Variants in PCSK5 observed in about 807,000 individuals in gnomAD.
The protein encoded by PCSK5 is prohormone convertase 5.
Under a neutral mutation model 233.2 loss-of-function variants are expected in PCSK5, and 129 were observed. The ratio of observed to expected loss-of-function variants is 0.55; its 90% CI spans 0.48 to 0.64. The LOEUF is 0.64. Ranked by LOEUF, PCSK5 falls within the 30% of genes least tolerant of loss-of-function variation. The probability of loss-of-function intolerance (pLI) is 0.00; values close to 1 mark genes in which losing one functional copy is unlikely to be tolerated. For missense variants in PCSK5, 2,076 were observed against 2,430.1 expected, an observed-to-expected ratio of 0.85 and a Z score of 3.06; for synonymous variants, 825 against 879.2, an observed-to-expected ratio of 0.94 and a Z score of 1.09.
At chr9:76,077,744 T>C (rs1016751793) in intron 7 of PCSK5, among the ~76,000 whole-genome samples, 6 of 152,238 alleles carry the variant, frequency 3.9e-5, no homozygotes, top group African/African-American at 1.4e-4. Context: ...TTTTATTCTT[T>C]TTCATGGCTG....
At chr9:76,255,857 A>G (rs538528121) in intron 24 of PCSK5, among the ~76,000 whole-genome samples, 1 of 152,254 alleles carries the variant, frequency 6.6e-6, no homozygotes, top group Admixed American at 6.5e-5. Context: ...AAAATTCCTT[A>G]TCCTCATTTT....
At chr9:75,917,516 T>C (rs375823210) in intron 1 of PCSK5, among the ~76,000 whole-genome samples, 43 of 152,216 alleles carry the variant, frequency 2.8e-4, no homozygotes, top group African/African-American at 9.9e-4. Context: ...AACATCAGAT[T>C]CAATATTTGC....
chr9:76,074,618 C>T (rs1031535685), intron 7 of PCSK5, among the ~76,000 whole-genome samples: 1 of 152,106 alleles, frequency 6.6e-6, no homozygotes, highest in Non-Finnish European at 1.5e-5. Flanking sequence ...CCAATATTTG[C>T]CATTTACTTC....
intron 8 of PCSK5, among the ~76,000 whole-genome samples, chr9:76,101,067 A>AC (rs1831735574): frequency 6.6e-6 from 1 of 151,366 alleles, no homozygotes; most frequent in Admixed American, 6.6e-5. Flanking sequence ...ACCCGGTTCA[A>AC]TTTTTTTTTC....
intron 7 of PCSK5, among the ~76,000 whole-genome samples, chr9:76,078,393 G>T (rs1830712806): frequency 6.6e-6 from 1 of 152,062 alleles, no homozygotes; most frequent in African/African-American, 2.4e-5. Flanking sequence ...TTTCCTCTAG[G>T]ATTCTTATAG....
At chr9:76,323,833 G>A (rs369879730) in intron 32 of PCSK5, among the ~76,000 whole-genome samples, 1 of 152,074 alleles carries the variant, frequency 6.6e-6, no homozygotes, top group Non-Finnish European at 1.5e-5. Flanking sequence ...GCAGAGAGGA[G>A]GAGCCTTCAA....
chr9:75,940,927 TTAAAAA>T (rs1220586938), intron 2 of PCSK5, among the ~76,000 whole-genome samples: 12 of 152,246 alleles, frequency 7.9e-5, no homozygotes, highest in Non-Finnish European at 1.5e-5. Context: ...CCTTATTTAG[TTAAAAA>T]TAAGTATTCA....
chr9:76,295,799 A>G (rs1410920109), intron 26 of PCSK5, among the ~76,000 whole-genome samples: 3 of 152,188 alleles, frequency 2.0e-5, no homozygotes, highest in African/African-American at 4.8e-5. Flanking sequence ...AGAATCTAAC[A>G]AGATCCCTTG....
intron 5 of PCSK5, among the ~76,000 whole-genome samples, chr9:76,056,314 T>C: frequency 6.6e-6 from 1 of 152,176 alleles, no homozygotes; most frequent in Non-Finnish European, 1.5e-5. Flanking sequence ...ACATCTTGTC[T>C]TCCGATCTGG....
chr9:76,064,138 A>G (rs1587574482), intron 5 of PCSK5, among the ~76,000 whole-genome samples: 1 of 89,800 alleles, frequency 1.1e-5, no homozygotes, highest in Non-Finnish European at 2.3e-5. Context: ...CGGAGGGCTG[A>G]CCCCCCCACC....
chr9:76,323,756 G>A (rs80344508), intron 32 of PCSK5, among the ~76,000 whole-genome samples: 2,636 of 152,222 alleles, frequency 0.017, 90 homozygotes, highest in African/African-American at 0.059. Context: ...GACAAATCAC[G>A]TGGACCTTCC....
intron 1 of PCSK5, among the ~76,000 whole-genome samples, chr9:75,906,099 G>C (rs1826253548): frequency 6.6e-6 from 1 of 152,162 alleles, no homozygotes; most frequent in African/African-American, 2.4e-5. Context: ...AATGACATGA[G>C]TAAAATTATT....
In PCSK5 at chr9:75,907,087, G is replaced by A. The variant is rs144852988; in HGVS notation, c.192+15714G>A. Among the ~76,000 whole-genome samples, 103 of 152,200 alleles carry A rather than the reference G, an allele frequency of 6.8e-4. 1 individual carries two copies. Among genetic ancestry groups the A allele is most frequent in the African/African-American group, 2.2e-3 (93 of 41,526 alleles). ...CCTATATTTTGCTCTGGAAGTATAC[G>A]TAAAATGTAGGTATAGGTAAAATTG... On this transcript the variant is annotated intron_variant, in intron 1 of 37. Coordinates refer to ENST00000674117, the MANE Select transcript of PCSK5 (RefSeq NM_001372043.1).
chr9:76,234,162 G>C (rs1258421464), intron 22 of PCSK5, among the ~76,000 whole-genome samples: 2 of 151,978 alleles, frequency 1.3e-5, no homozygotes, highest in Non-Finnish European at 2.9e-5. Context: ...TCATATGCCT[G>C]TCCCCTACCG....
chr9:75,891,997 T>C (rs58564148), intron 1 of PCSK5, among the ~76,000 whole-genome samples: 64 of 152,220 alleles, frequency 4.2e-4, no homozygotes, highest in African/African-American at 1.4e-3. Context: ...CTAGGCTTTC[T>C]CGCCTTAAGC....
intron 9 of PCSK5, among the ~76,000 whole-genome samples, chr9:76,119,025 A>G (rs193049201): frequency 8.8e-4 from 133 of 151,938 alleles, no homozygotes; most frequent in African/African-American, 3.1e-3. Flanking sequence ...CTAACCTGCA[A>G]TCAAGCAAGA....
chr9:76,309,456 G>T (rs1828797998), intron 29 of PCSK5, among the ~76,000 whole-genome samples: 1 of 152,202 alleles, frequency 6.6e-6, no homozygotes, highest in African/African-American at 2.4e-5. Context: ...CACTTTGGGA[G>T]GCTGAAGCAG....
intron 32 of PCSK5, among the ~76,000 whole-genome samples, chr9:76,326,081 T>C (rs1829351535): frequency 6.6e-6 from 1 of 152,132 alleles, no homozygotes; most frequent in African/African-American, 2.4e-5. Flanking sequence ...GCGTTTAGAA[T>C]GGAGCAATCT....
intron 30 of PCSK5, among the ~76,000 whole-genome samples, chr9:76,313,075 C>T (rs1452399049): frequency 6.6e-6 from 1 of 152,172 alleles, no homozygotes; most frequent in Non-Finnish European, 1.5e-5. Flanking sequence ...TTAATCCTCA[C>T]AAGAATTCTC....
Sources: allele counts gnomAD v4.1 joint callset (sites outside exome capture counted in the v4.1 genomes callset), GRCh38; gene constraint gnomAD v4.1.1; transcripts MANE v1.5; gene names NCBI Gene and HGNC (gene_info 2026-07-23, HGNC 2026-07-21).